SLC37A1: variants seen among roughly 807,000 people sequenced by gnomAD.
SLC37A1 encodes glucose-6-phosphate exchanger SLC37A1.
Under a neutral mutation model 75.3 loss-of-function variants are expected in SLC37A1, and 49 were observed. That is an observed-to-expected ratio of 0.65 (90% CI 0.52 to 0.83). The LOEUF (loss-of-function observed/expected upper bound fraction) is 0.83, where lower values mean the gene tolerates loss of function less well. Ranked by LOEUF, SLC37A1 falls within the 40% of genes least tolerant of loss-of-function variation. SLC37A1 has a pLI of 0.00. For synonymous variants in SLC37A1, 268 were observed against 292.1 expected, an observed-to-expected ratio of 0.92 and a Z score of 0.84; for missense variants, 566 against 695.0, an observed-to-expected ratio of 0.81 and a Z score of 2.09.
chr21:42,568,373 G>A lies in SLC37A1; in HGVS notation c.1358G>A (p.Ser453Asn), dbSNP rs201760065. The A allele has an allele frequency of 1.1e-5, 17 of 1,613,982 alleles. No homozygotes were observed. Among genetic ancestry groups the A allele is most frequent in the Non-Finnish European group, 1.4e-5 (17 of 1,179,996 alleles). Residue 453 changes from serine to asparagine, a missense_variant, in exon 17 of 20, where the codon AGT (serine) becomes AAT (asparagine). Transcript: ENST00000352133. ...AVSADLGTHK[S>N]LKGNAHALST... ...CCTCTCTTCTAGGGGACTCATAAAA[G>A]TCTGAAAGGCAACGCGCACGCCCTC...
intron 16 of SLC37A1, 89 bp from the exon 17 acceptor site, chr21:42,568,271 G>A (rs758460901): frequency 1.0e-6 from 1 of 998,406 alleles, no homozygotes. Flanking sequence ...TTGTTTTGCA[G>A]AGCAGTTTGA....
rs1601751816 is a variant in SLC37A1 at position 42,562,155 on chromosome 21, C to T, written c.1059C>T (p.Tyr353=). The part of the protein sequence containing the change: ...SYTFLFWLPL[Y]ITNVDHLDAK... ...CTTTCCTCTTCTGGCTGCCCCTGTA[C>T]ATCACGAATGTGGGTGAGTATCCAC... The change falls in exon 12 of 20, where the codon TAC becomes TAT. Residue 353 remains tyrosine (Y), a synonymous_variant. Coordinates refer to ENST00000352133, the MANE Select transcript of SLC37A1 (RefSeq NM_001320537.2). 6.2e-7 allele frequency: 1 copy of T among 1,614,186 alleles called. No individual in the cohort carries two copies. Among genetic ancestry groups the T allele is most frequent in the African/African-American group, 1.3e-5 (1 of 75,056 alleles).
At chr21:42,556,998 G>A (rs2055707019) in intron 10 of SLC37A1, among the ~76,000 whole-genome samples, 1 of 152,218 alleles carries the variant, frequency 6.6e-6, no homozygotes, top group African/African-American at 2.4e-5. Flanking sequence ...CTTTAAACCA[G>A]CCCAGCAAGT....
rs2146938167 is a variant in SLC37A1, at chr21:42,552,821, C to T, written c.769-1241C>T. On this transcript the variant is annotated intron_variant, in intron 9 of 19. Transcript: ENST00000352133. This position sits in a 1 kb window ranked among gnomAD's most constrained non-coding sequence, Gnocchi z 4.2. Reference sequence around the variant, plus strand: ...AAGAAGAGGGCCCGGGTGATGCTGGCAGCCTCTGCTCACTGCGGGGGACGG... The same window carrying T: ...AAGAAGAGGGCCCGGGTGATGCTGGTAGCCTCTGCTCACTGCGGGGGACGG... 6.6e-6 allele frequency among the ~76,000 whole-genome samples: 1 copy of T among 152,222 alleles called. No individual in the cohort carries two copies. The highest frequency in any genetic ancestry group is 1.9e-4 in the East Asian group (1 of 5,198).
intron 10 of SLC37A1, among the ~76,000 whole-genome samples, chr21:42,557,695 G>T (rs908359063): frequency 6.6e-6 from 1 of 152,204 alleles, no homozygotes; most frequent in African/African-American, 2.4e-5. Flanking sequence ...CCTGCCACCC[G>T]GTTTCCAAAT....
rs565915877 is a variant in SLC37A1, at chr21:42,554,603, A to C, written c.849+461A>C. Among the ~76,000 whole-genome samples, 70 of 150,890 alleles carry C rather than the reference A, an allele frequency of 4.6e-4. 1 individual carries two copies. Among genetic ancestry groups the C allele is most frequent in the African/African-American group, 1.7e-3 (67 of 40,166 alleles). On this transcript the variant is annotated intron_variant, in intron 10 of 19. Coordinates refer to ENST00000352133, the MANE Select transcript of SLC37A1 (RefSeq NM_001320537.2). ...CAGAGGGTGTCAGGGTGAGGGGCGC[A>C]CGGTGGGCTGGCCACGTGAGGTGCA...
chr21:42,576,128 TG>T (rs1171224499), intron 18 of SLC37A1: 1 of 207,252 alleles, frequency 4.8e-6, no homozygotes. Context: ...GTGCCCACAC[TG>T]GGTAAGAGAC....
At position 42,530,632 on chromosome 21, in the gene SLC37A1, A is replaced by C. The variant is rs945900737; in HGVS notation, c.139-4066A>C. Among the ~76,000 whole-genome samples, 101 of 113,562 alleles carry C rather than the reference A, an allele frequency of 8.9e-4. 4 individuals are homozygous for C. The highest frequency in any genetic ancestry group is 3.2e-3 in the African/African-American group (95 of 29,558). 74.5% of individuals were successfully genotyped at this position (113,562 alleles called of 152,430 possible). On this transcript the variant is annotated intron_variant, in intron 3 of 19. Coordinates refer to ENST00000352133, the MANE Select transcript of SLC37A1 (RefSeq NM_001320537.2). ...CACACACACACACACACACACACAC[A>C]CACACACACACACACACACACACCC...
chr21:42,571,398 T>G (rs1205098206), intron 17 of SLC37A1, among the ~76,000 whole-genome samples: 1 of 152,384 alleles, frequency 6.6e-6, no homozygotes, highest in East Asian at 1.9e-4. Context: ...GTACATTTCA[T>G]GCAGAGCAAT....
In SLC37A1 at chr21:42,563,348, G is replaced by A. The variant is rs570610521; in HGVS notation, c.1073-467G>A. 1.2e-4 allele frequency among the ~76,000 whole-genome samples: 19 copies of A among 152,294 alleles called. No individual in the cohort carries two copies. The East Asian group carries it at 2.1e-3, about 17-fold the overall frequency. On this transcript the variant is annotated intron_variant, in intron 12 of 19. Coordinates refer to ENST00000352133, the MANE Select transcript of SLC37A1 (RefSeq NM_001320537.2). ...GGTTTGACCCACAGCCCCAGATGCC[G>A]TGCAGTTTCCTCTCCCACACCCGGC...
At chr21:42,531,689 T>C (rs2054985672) in intron 3 of SLC37A1, among the ~76,000 whole-genome samples, 1 of 152,078 alleles carries the variant, frequency 6.6e-6, no homozygotes, top group Non-Finnish European at 1.5e-5. Flanking sequence ...TGGCGAGGGG[T>C]TTGCTTACCA....
chr21:42,521,038 A>G (rs956067280), intron 2 of SLC37A1, among the ~76,000 whole-genome samples: 3 of 152,220 alleles, frequency 2.0e-5, no homozygotes, highest in African/African-American at 7.2e-5. Context: ...GCTGGCCGCT[A>G]GGTGGAGCGG....
intron 17 of SLC37A1, among the ~76,000 whole-genome samples, chr21:42,573,450 A>G (rs2056235688): frequency 6.6e-6 from 1 of 152,116 alleles, no homozygotes; most frequent in Middle Eastern, 3.2e-3. Flanking sequence ...AGGCTGTGTT[A>G]GCTGTCAGCC....
intron 3 of SLC37A1, among the ~76,000 whole-genome samples, chr21:42,530,654 A>ACACACACACACACACACACCC (rs1161313598): frequency 8.4e-5 from 3 of 35,880 alleles, no homozygotes; most frequent in South Asian, 1.5e-3. Context: ...ACACACACAC[A>ACACACACACACACACACACCC]CCCCCTCTGT....
At chr21:42,565,908 C>T in intron 15 of SLC37A1, 33 bp downstream of exon 15, 2 of 1,604,496 alleles carry the variant, frequency 1.2e-6, no homozygotes, top group South Asian at 1.1e-5. Context: ...TTTTCTTCCA[C>T]ACACGTTTTT....
At chr21:42,568,990 T>C (rs943338876) in intron 17 of SLC37A1, among the ~76,000 whole-genome samples, 1 of 152,180 alleles carries the variant, frequency 6.6e-6, no homozygotes, top group Non-Finnish European at 1.5e-5. Context: ...AGCCCTTGTA[T>C]GGGGAGCACG....
Position 42,566,982 on chromosome 21 carries a change from C to T in SLC37A1, c.1271-3C>T. On this transcript the variant is annotated splice_polypyrimidine_tract_variant and splice_region_variant and intron_variant, in intron 15 of 19. Transcript: ENST00000352133. ...CCATTCTTTGCCCCTCTGCCTCCCACAGCCATGCTGCTGCTCAGCGGAGCC... is the reference window on the plus strand; with the variant it reads ...CCATTCTTTGCCCCTCTGCCTCCCATAGCCATGCTGCTGCTCAGCGGAGCC... The T allele has an allele frequency of 6.2e-7, 1 of 1,606,062 alleles. No individual in the cohort carries two copies. Among genetic ancestry groups the T allele is most frequent in the Non-Finnish European group, 8.5e-7 (1 of 1,179,760 alleles).
intron 1 of SLC37A1, among the ~76,000 whole-genome samples, chr21:42,500,347 T>C (rs1313619917): frequency 6.6e-6 from 1 of 152,248 alleles, no homozygotes; most frequent in African/African-American, 2.4e-5. Context: ...GTATCACACA[T>C]TGCCATTTAG....
intron 9 of SLC37A1, among the ~76,000 whole-genome samples, chr21:42,549,081 T>C (rs2055493573): frequency 6.6e-6 from 1 of 152,254 alleles, no homozygotes; most frequent in Non-Finnish European, 1.5e-5. Context: ...GTTCCTGCCC[T>C]GAGCATGAAT....
Sources: gnomAD v4.1 joint callset for allele counts (sites outside exome capture counted in the v4.1 genomes callset) on GRCh38, gnomAD v4.1.1 for gene constraint, Gnocchi (gnomAD v3.1) non-coding constraint, MANE v1.5 for transcripts, NCBI Gene and HGNC (gene_info 2026-07-23, HGNC 2026-07-21) for gene names.